The following CEP76 variants were observed in gnomAD, a reference collection of about 807,000 sequenced individuals.
CEP76 encodes the protein centrosomal protein of 76 kDa.
A neutral mutation model predicts 83.3 loss-of-function variants in CEP76; 55 were observed. The ratio of observed to expected loss-of-function variants is 0.66; its 90% CI spans 0.53 to 0.83. CEP76 has a LOEUF of 0.83. Among genes scored for constraint, CEP76 ranks in the 40% least tolerant of loss-of-function variants. The pLI, the probability that CEP76 is intolerant of heterozygous loss-of-function variation, is 0.00. For synonymous variants in CEP76, 270 were observed against 274.5 expected (o/e 0.98, Z 0.16); for missense variants, 694 against 799.5 (o/e 0.87, Z 1.59).
rs2040193721 is a variant in CEP76 at position 12,702,475 on chromosome 18, G to A, written c.63+11C>T. On this transcript the variant is annotated intron_variant, in intron 1 of 11. Coordinates refer to ENST00000262127, the MANE Select transcript of CEP76 (RefSeq NM_024899.4). ...GGCCCGGCGGTCTCTCCCAGCACCC[G>A]CGACTCTCACCTTGCTCAGCTGCTG... 1.9e-6 allele frequency: 3 copies of A among 1,600,616 alleles called. No individual in the cohort carries two copies. The highest frequency in any genetic ancestry group is 1.7e-5 in the Admixed American group (1 of 59,430).
chr18:12,674,804 A>C, intron 10 of CEP76, 51 bp from the exon 11 acceptor site: 1 of 1,145,602 alleles, frequency 8.7e-7, no homozygotes, highest in Non-Finnish European at 1.2e-6. Context: ...AATATTTTTA[A>C]AACCAACTAA....
chr18:12,671,642 C>CTTTTTTTTTTTTT (rs869130220), downstream of CEP76, among the ~76,000 whole-genome samples: 1 of 55,544 alleles, frequency 1.8e-5, no homozygotes, highest in African/African-American at 6.7e-5. Context: ...TTCACACTTT[C>CTTTTTTTTTTTTT]TTTTTTTTTT....
chr18:12,700,012 G>A, intron 2 of CEP76, 107 bp from the exon 3 acceptor site: 1 of 569,128 alleles, frequency 1.8e-6, no homozygotes, highest in Non-Finnish European at 2.9e-6. Flanking sequence ...ACAGGGTAAG[G>A]CCCTTTCAAA....
rs765652085 is a variant in CEP76, at chr18:12,683,186, C to CAAAAAAAAAA, written c.1123-2368_1123-2359dup. 4.7e-4 allele frequency among the ~76,000 whole-genome samples: 30 copies of CAAAAAAAAAA among 63,672 alleles called. 1 individual carries two copies. Among genetic ancestry groups the CAAAAAAAAAA allele is most frequent in the African/African-American group, 1.5e-3 (26 of 17,000 alleles). The allele number at this position is 63,672 out of a possible 152,430, so 41.8% of individuals were successfully genotyped here. On this transcript the variant is annotated intron_variant, in intron 8 of 11. Transcript: ENST00000262127. ...GAAACCCCATCTCTACTAAAAATAC[C>CAAAAAAAAAA]AAAAAAAAAAAAAAAAAAGCCAGGC...
At chr18:12,674,504 C>CTGAAAAAA in intron 11 of CEP76, 32 bp downstream of exon 11, 1 of 1,519,438 alleles carries the variant, frequency 6.6e-7, no homozygotes, top group Non-Finnish European at 9.1e-7. Context: ...GACTCCTAAA[C>CTGAAAAAA]TGAAAAAATG....
At chr18:12,669,457 A>T (rs532537224), downstream of CEP76, among the ~76,000 whole-genome samples, 1 of 152,074 alleles carries the variant, frequency 6.6e-6, no homozygotes, top group East Asian at 1.9e-4. Context: ...TATGTTGACC[A>T]GGCTGTGCTC....
chr18:12,670,825 T>C (rs1335273997), downstream of CEP76: 1 of 152,150 alleles, frequency 6.6e-6, no homozygotes, highest in Non-Finnish European at 1.5e-5. Flanking sequence ...TTTTTTACAT[T>C]TTTTGTAGAG....
chr18:12,692,241 G>A (rs113606055), intron 6 of CEP76: 13,964 of 151,750 alleles, frequency 0.092, 882 homozygotes, highest in Non-Finnish European at 0.13. Flanking sequence ...GCTTGAACCC[G>A]GGAGGCAGAG....
intron 9 of CEP76, among the ~76,000 whole-genome samples, chr18:12,680,334 G>A (rs781325643): frequency 4.6e-5 from 7 of 152,012 alleles, no homozygotes; most frequent in Non-Finnish European, 1.0e-4. Flanking sequence ...AGTGGCTCAC[G>A]CCTGTAATCC....
intron 6 of CEP76, 133 bp from the exon 7 acceptor site, chr18:12,691,620 T>A (rs1244715047): frequency 1.7e-6 from 1 of 580,426 alleles, no homozygotes; most frequent in Non-Finnish European, 2.9e-6. Context: ...TATAAGAGCC[T>A]CCTGACTTCC....
At chr18:12,697,016 G>A (rs2039980438) in intron 5 of CEP76, among the ~76,000 whole-genome samples, 1 of 152,074 alleles carries the variant, frequency 6.6e-6, no homozygotes, top group Admixed American at 6.5e-5. Context: ...CCTAAGACAA[G>A]GTCAGATTGA....
Position 12,699,203 on chromosome 18 carries a change from G to A in CEP76, c.296C>T (p.Thr99Ile), listed in dbSNP as rs751659357. The A allele has an allele frequency of 2.5e-6, 4 of 1,599,584 alleles. No homozygotes were observed. The highest frequency in any genetic ancestry group is 3.4e-6 in the Non-Finnish European group (4 of 1,167,750). ...ATACCTCCGTGTTGGATCAATATTA[G>A]CTGTAAAGTGTAGCAATATATATGA... ...CFDRQSTLKK[T>I]NIDPTRRYLY... The change falls in exon 4 of 12, where the codon ACT (threonine) becomes ATT (isoleucine). Residue 99 changes from threonine (T) to isoleucine (I), a missense_variant and splice_region_variant. Coordinates refer to ENST00000262127, the MANE Select transcript of CEP76 (RefSeq NM_024899.4).
At chr18:12,683,033 A>T (rs1320163299) in intron 8 of CEP76, among the ~76,000 whole-genome samples, 3 of 152,058 alleles carry the variant, frequency 2.0e-5, no homozygotes, top group African/African-American at 7.2e-5. Context: ...TCATGGCAAC[A>T]TTAAAAAATT....
chr18:12,695,290 G>C lies in CEP76; in HGVS notation c.768C>G (p.Leu256=). The C allele has an allele frequency of 6.4e-7, 1 of 1,568,242 alleles. No individual in the cohort carries two copies. Among genetic ancestry groups the C allele is most frequent in the Non-Finnish European group, 8.7e-7 (1 of 1,144,858 alleles). The part of the protein sequence containing the change: ...LNIKLEMYPP[L]NQTLSQEVVN... The stretch of plus-strand genomic sequence containing the variant: ...CTACTTCTTGAGATAACGTTTGATT[G>C]AGTGGTGGATACATTTCAAGTTTTA... Residue 256 remains leucine (L), a synonymous_variant, in exon 6 of 12, where the codon CTC becomes CTG. Coordinates refer to ENST00000262127, the MANE Select transcript of CEP76 (RefSeq NM_024899.4).
At chr18:12,666,436 GTT>G (rs557490556) in intron 12 of CEP76, among the ~76,000 whole-genome samples, 1 of 126,620 alleles carries the variant, frequency 7.9e-6, no homozygotes, top group Non-Finnish European at 1.7e-5. Context: ...AAATTTTATG[GTT>G]TTTTTTTTTT....
At chr18:12,672,553 A>G, downstream of CEP76, 1 of 577,658 alleles carries the variant, frequency 1.7e-6, no homozygotes, top group Non-Finnish European at 2.1e-6. Flanking sequence ...TTTTATCACA[A>G]TGAAAGAAAA....
chr18:12,702,724 G>C, upstream of CEP76: 1 of 676,450 alleles, frequency 1.5e-6, no homozygotes. Context: ...ACCTGGAAAT[G>C]AGGCCCCGGC....
chr18:12,676,055 TC>T (rs1367847396), intron 10 of CEP76, among the ~76,000 whole-genome samples: 2 of 152,126 alleles, frequency 1.3e-5, no homozygotes, highest in Admixed American at 6.6e-5. Flanking sequence ...CAAAAAATTC[TC>T]AAAATTCTAG....
chr18:12,681,530 A>G (rs375169825), intron 8 of CEP76, among the ~76,000 whole-genome samples: 1 of 152,110 alleles, frequency 6.6e-6, no homozygotes, highest in Admixed American at 6.6e-5. Context: ...GATTACAGGC[A>G]TGAGCTCCTG....
Sources: gnomAD v4.1 joint callset for allele counts (sites outside exome capture counted in the v4.1 genomes callset) on GRCh38, gnomAD v4.1.1 for gene constraint, MANE v1.5 for transcripts, NCBI Gene and HGNC (gene_info 2026-07-23, HGNC 2026-07-21) for gene names.